The following SNRNP27 variants were observed in gnomAD, a reference collection of about 807,000 sequenced individuals.
The protein encoded by SNRNP27 is small nuclear ribonucleoprotein U4/U6.U5 subunit 27.
SNRNP27 carries 22 observed loss-of-function variants against 25.1 expected under a neutral mutation model. The ratio of observed to expected loss-of-function variants is 0.88; its 90% CI spans 0.63 to 1.25. The LOEUF is 1.25. Among genes scored for constraint, SNRNP27 ranks in the 50% most tolerant of loss-of-function variants. SNRNP27 has a pLI of 0.00. For missense variants in SNRNP27, 150 were observed against 202.3 expected, an observed-to-expected ratio of 0.74 and a Z score of 1.57; for synonymous variants, 66 against 64.9, an observed-to-expected ratio of 1.02 and a Z score of -0.08.
In SNRNP27 at chr2:69,904,576, A is replaced by C; in HGVS notation, c.*268A>C. 1 of 563,662 alleles carries C rather than the reference A, an allele frequency of 1.8e-6. No homozygotes were observed. The highest frequency in any genetic ancestry group is 2.4e-5 in the South Asian group (1 of 41,154). 34.9% of individuals were successfully genotyped at this position (563,662 alleles called of 1,614,324 possible). On this transcript the variant is annotated 3_prime_UTR_variant, in exon 6 of 6. Transcript: ENST00000244227. ...GTCCTTATTCCTGTGGAAGCAGTAT[A>C]TGTTTTCTTCCTGAATGCTCATTAG...
intron 2 of SNRNP27, among the ~76,000 whole-genome samples, chr2:69,895,535 C>T (rs1438266136): frequency 6.6e-6 from 1 of 151,856 alleles, no homozygotes; most frequent in Non-Finnish European, 1.5e-5. Context: ...CTTTTCTTTT[C>T]CTTTTCCTTT....
chr2:69,897,350 A>AGG (rs1676623096), intron 3 of SNRNP27, 27 bp from the exon 4 acceptor site: 20 of 1,466,106 alleles, frequency 1.4e-5, no homozygotes, highest in Non-Finnish European at 1.8e-5. Context: ...AATGATAGAG[A>AGG]GGTCACAAAA....
At chr2:69,902,895 C>T (rs1213899816) in intron 4 of SNRNP27, among the ~76,000 whole-genome samples, 1 of 150,420 alleles carries the variant, frequency 6.6e-6, no homozygotes, top group Non-Finnish European at 1.5e-5. Context: ...CCCTACTTCC[C>T]TCTTCCTTCC....
At position 69,893,995 on chromosome 2, in the gene SNRNP27, G is replaced by T. The variant is rs1184305307; in HGVS notation, c.11G>T (p.Ser4Ile). The change falls in exon 1 of 6, where the codon AGT (serine) becomes ATT (isoleucine). Residue 4 changes from serine to isoleucine, a missense_variant. Around this residue, in one of 2 missense-constraint regions of SNRNP27, gnomAD observed 142 missense variants for 168.6 expected, o/e 0.84. Transcript: ENST00000244227. MGRSRSRSPRRERR... is the reference protein window; with the variant it reads MGRIRSRSPRRERR... ...GAAGCGGGACTCCAAATGGGTCGCA[G>T]TCGCAGCCGCTCTCCACGGAGGGGT... 1 of 1,614,016 alleles carries T rather than the reference G, an allele frequency of 6.2e-7. No individual in the cohort carries two copies. The highest frequency in any genetic ancestry group is 1.3e-5 in the African/African-American group (1 of 74,944).
rs1056840004 is a variant in SNRNP27, at chr2:69,901,654, G to GA, written c.349-1517dup. Among the ~76,000 whole-genome samples, 19 of 149,388 alleles carry GA rather than the reference G, an allele frequency of 1.3e-4. No individual in the cohort carries two copies. The South Asian group carries it at 3.0e-3, about 23-fold the overall frequency. ...AACATAGTGAGATCCCATCTCTACA[G>GA]AAAAAAAAAATTAAAAATTAGCCCA... On this transcript the variant is annotated intron_variant, in intron 4 of 5. Coordinates refer to ENST00000244227, the MANE Select transcript of SNRNP27 (RefSeq NM_006857.3).
At chr2:69,896,943 G>A (rs1049006773) in intron 3 of SNRNP27, among the ~76,000 whole-genome samples, 3 of 151,996 alleles carry the variant, frequency 2.0e-5, no homozygotes, top group Admixed American at 6.6e-5. Flanking sequence ...CAAAGTGCTG[G>A]GATTATAGAC....
chr2:69,898,429 G>A (rs1439490450), intron 4 of SNRNP27, among the ~76,000 whole-genome samples: 1 of 151,416 alleles, frequency 6.6e-6, no homozygotes, highest in Non-Finnish European at 1.5e-5. Context: ...GAGAGGAAAT[G>A]AAGAGAGGAG....
rs1346718271 is a variant in SNRNP27, at chr2:69,905,169, T to C, written c.*861T>C. 2.0e-5 allele frequency: 3 copies of C among 152,250 alleles called. No homozygotes were observed. In the East Asian group the frequency reaches 5.8e-4, roughly 29 times the overall value. The allele number at this position is 152,250 out of a possible 1,614,324, so 9.4% of individuals were successfully genotyped here. ...TTAACTAATGTTTTATTGGTAAACA[T>C]TGGCTTGCCTCCCATGACTTGCCAT... On this transcript the variant is annotated 3_prime_UTR_variant, in exon 6 of 6. Coordinates refer to ENST00000244227, the MANE Select transcript of SNRNP27 (RefSeq NM_006857.3).
Position 69,895,974 on chromosome 2 carries a change from G to GT in SNRNP27, c.156-448dup, listed in dbSNP as rs3078818. Among the ~76,000 whole-genome samples the GT allele has an allele frequency of 5.7e-3, 808 of 142,014 alleles. 3 individuals carry two copies. The highest frequency in any genetic ancestry group is 8.0e-3 in the Non-Finnish European group (519 of 64,904). The allele number at this position is 142,014 out of a possible 152,430, so 93.2% of individuals were successfully genotyped here. ...GGGCTCTGAGTCTTTTTTTTGGTTT[G>GT]TTTTTTTTTTTTTTGAGAGAGAGGG... On this transcript the variant is annotated intron_variant, in intron 2 of 5. Transcript: ENST00000244227.
Position 69,904,675 on chromosome 2 carries a change from T to C in SNRNP27, c.*367T>C, listed in dbSNP as rs1377763814. 3 of 313,696 alleles carry C rather than the reference T, an allele frequency of 9.6e-6. No individual in the cohort carries two copies. Among genetic ancestry groups the C allele is most frequent in the African/African-American group, 6.5e-5 (3 of 46,482 alleles). The allele number at this position is 313,696 out of a possible 1,614,324, so 19.4% of individuals were successfully genotyped here. On this transcript the variant is annotated 3_prime_UTR_variant, in exon 6 of 6. Coordinates refer to ENST00000244227, the MANE Select transcript of SNRNP27 (RefSeq NM_006857.3). ...AAGCAGTATTTCTACCCTTTTAGAT[T>C]TGATAAATATTTTTATTACTAAAGA...
chr2:69,896,331 G>A lies in SNRNP27; in HGVS notation c.156-105G>A, dbSNP rs1013960338. 1.7e-5 allele frequency: 18 copies of A among 1,076,054 alleles called. No individual in the cohort carries two copies. The Admixed American group carries it at 2.4e-4, about 14-fold the overall frequency. 66.7% of individuals were successfully genotyped at this position (1,076,054 alleles called of 1,614,324 possible). On this transcript the variant is annotated intron_variant, in intron 2 of 5. Transcript: ENST00000244227. ...AACCTTTTTCCTCACTTTGCTATAC[G>A]GAATGACTCGTGGTTCTGTGGAGCT... is the stretch of plus-strand genomic sequence containing the variant.
At chr2:69,896,822 C>T (rs1018758042) in intron 3 of SNRNP27, among the ~76,000 whole-genome samples, 3 of 151,692 alleles carry the variant, frequency 2.0e-5, no homozygotes, top group East Asian at 3.9e-4. Context: ...TACAGGCACC[C>T]GCCACTATGC....
At chr2:69,894,142 G>T (rs1465879952) in intron 1 of SNRNP27, 124 bp downstream of exon 1, 3 of 859,334 alleles carry the variant, frequency 3.5e-6, no homozygotes, top group Non-Finnish European at 5.5e-6. Context: ...GGCGGAGAGC[G>T]AGGGGTGGAT....
intron 3 of SNRNP27, 64 bp downstream of exon 3, chr2:69,896,612 TC>T: frequency 6.3e-6 from 9 of 1,424,084 alleles, no homozygotes; most frequent in Non-Finnish European, 8.5e-6. Context: ...AAAAGTTTAA[TC>T]TTGAACATTT....
At position 69,904,260 on chromosome 2, in the gene SNRNP27, C is replaced by T; in HGVS notation, c.420C>T (p.Tyr140=). The change falls in exon 6 of 6, where the codon TAC becomes TAT. Residue 140 remains tyrosine (Y), a synonymous_variant. Coordinates refer to ENST00000244227, the MANE Select transcript of SNRNP27 (RefSeq NM_006857.3). ...NVSQKRKYRQ[Y]MNRKGGFNRP... is the part of the protein sequence containing the mutation. ...TTTTCTCTTCTCATCATAGGCAGTA[C>T]ATGAATCGAAAAGGTGGATTCAACA... 6.2e-7 allele frequency: 1 copy of T among 1,602,968 alleles called. No homozygotes were observed. Among genetic ancestry groups the T allele is most frequent in the Non-Finnish European group, 8.5e-7 (1 of 1,174,872 alleles).
Position 69,904,377 on chromosome 2 carries a change from A to G in SNRNP27, c.*69A>G. On this transcript the variant is annotated 3_prime_UTR_variant, in exon 6 of 6. Transcript: ENST00000244227. ...TCAGAGAGTGGATTTTGTATTTTGTATTTAACTTGCATTCAAAAAACAGGA... is the reference window on the plus strand; with the variant it reads ...TCAGAGAGTGGATTTTGTATTTTGTGTTTAACTTGCATTCAAAAAACAGGA... The G allele has an allele frequency of 8.4e-7, 1 of 1,193,172 alleles. No homozygotes were observed. Among genetic ancestry groups the G allele is most frequent in the Non-Finnish European group, 1.2e-6 (1 of 803,012 alleles). 73.9% of individuals were successfully genotyped at this position (1,193,172 alleles called of 1,614,324 possible).
intron 3 of SNRNP27, among the ~76,000 whole-genome samples, chr2:69,897,147 A>G (rs1336224403): frequency 7.1e-6 from 1 of 141,050 alleles, no homozygotes; most frequent in Non-Finnish European, 1.5e-5. Flanking sequence ...GTTTTTTTTT[A>G]AAAGGTAATC....
chr2:69,904,394 A>G lies in SNRNP27; in HGVS notation c.*86A>G, dbSNP rs1429985328. 9.9e-7 allele frequency: 1 copy of G among 1,009,100 alleles called. No homozygotes were observed. The highest frequency in any genetic ancestry group is 2.4e-5 in the East Asian group (1 of 41,850). 62.5% of individuals were successfully genotyped at this position (1,009,100 alleles called of 1,614,324 possible). A position where few individuals can be genotyped will look rare whatever the true frequency, so the allele number is the denominator to read the frequency against. ...TATTTTGTATTTAACTTGCATTCAA[A>G]AAACAGGATCTCAGTTCTCCTTTCT... On this transcript the variant is annotated 3_prime_UTR_variant, in exon 6 of 6. Coordinates refer to ENST00000244227, the MANE Select transcript of SNRNP27 (RefSeq NM_006857.3).
At position 69,904,314 on chromosome 2, in the gene SNRNP27, G is replaced by A. The variant is rs770484335; in HGVS notation, c.*6G>A. Reference sequence around the variant, plus strand: ...CTTTGGATTTCATTGCATGAGAATTGAAGTGTTGAAGGATGATTTTTTTTC... The same window carrying A: ...CTTTGGATTTCATTGCATGAGAATTAAAGTGTTGAAGGATGATTTTTTTTC... On this transcript the variant is annotated 3_prime_UTR_variant, in exon 6 of 6. Coordinates refer to ENST00000244227, the MANE Select transcript of SNRNP27 (RefSeq NM_006857.3). The A allele has an allele frequency of 1.5e-4, 238 of 1,608,484 alleles. 1 individual carries two copies. The highest frequency in any genetic ancestry group is 1.0e-5 in the Non-Finnish European group (12 of 1,176,354).
Sources: gnomAD v4.1 joint callset for allele counts (sites outside exome capture counted in the v4.1 genomes callset) on GRCh38, gnomAD v4.1.1 for gene constraint, gnomAD v4.1.1 regional missense constraint, MANE v1.5 for transcripts, NCBI Gene and HGNC (gene_info 2026-07-23, HGNC 2026-07-21) for gene names.